Variants in GABRA1 observed in about 807,000 individuals in gnomAD.
The protein encoded by GABRA1 is gamma-aminobutyric acid receptor subunit alpha-1.
A neutral mutation model predicts 48.9 loss-of-function variants in GABRA1; 9 were observed. The ratio of observed to expected loss-of-function variants is 0.18; its 90% CI spans 0.11 to 0.32. The LOEUF (loss-of-function observed/expected upper bound fraction) is 0.32. GABRA1 is among the 10% of genes least tolerant of loss of function. GABRA1 has a pLI of 1.00. For missense variants in GABRA1, 285 were observed against 553.8 expected, an observed-to-expected ratio of 0.51 and a Z score of 4.87; for synonymous variants, 210 against 198.7, an observed-to-expected ratio of 1.06 and a Z score of -0.48.
At chr5:161,861,996 T>C (rs144244241) in intron 3 of GABRA1, among the ~76,000 whole-genome samples, 1 of 152,026 alleles carries the variant, frequency 6.6e-6, no homozygotes, top group Non-Finnish European at 1.5e-5. Flanking sequence ...GCAGACAGCA[T>C]TTCCGGGGAA....
At chr5:161,856,349 G>A (rs1454758986) in intron 3 of GABRA1, among the ~76,000 whole-genome samples, 3 of 151,340 alleles carry the variant, frequency 2.0e-5, no homozygotes, top group Non-Finnish European at 4.4e-5. Context: ...AAATAGATAT[G>A]TATTTAAAGA....
intron 7 of GABRA1, among the ~76,000 whole-genome samples, chr5:161,883,192 A>G (rs1038662617): frequency 6.6e-6 from 1 of 152,180 alleles, no homozygotes; most frequent in East Asian, 1.9e-4. Context: ...AGCAGTGATT[A>G]TTACACGCAG....
chr5:161,885,918 C>A (rs111833560), intron 7 of GABRA1, among the ~76,000 whole-genome samples: 92 of 152,154 alleles, frequency 6.0e-4, no homozygotes, highest in African/African-American at 2.0e-3. Context: ...GGTGACTGGG[C>A]TTGAAGAAGA....
At chr5:161,891,116 C>CATA in intron 8 of GABRA1, 66 bp downstream of exon 8, 1 of 1,443,816 alleles carries the variant, frequency 6.9e-7, no homozygotes, top group Non-Finnish European at 9.7e-7. Context: ...ATATCTGTGA[C>CATA]ACTGCAAAGA....
chr5:161,886,527 T>G (rs964140882), intron 7 of GABRA1, among the ~76,000 whole-genome samples: 1 of 151,898 alleles, frequency 6.6e-6, no homozygotes, highest in African/African-American at 2.4e-5. Flanking sequence ...TCTCAGCACT[T>G]TGGGAGGCTG....
At chr5:161,893,562 A>G (rs1755221365) in intron 8 of GABRA1, among the ~76,000 whole-genome samples, 1 of 152,202 alleles carries the variant, frequency 6.6e-6, no homozygotes, top group African/African-American at 2.4e-5. Flanking sequence ...ATTTATTAAA[A>G]GACATCCAGA....
intron 2 of GABRA1, among the ~76,000 whole-genome samples, chr5:161,853,134 A>G (rs1757515841): frequency 6.6e-6 from 1 of 151,882 alleles, no homozygotes; most frequent in Non-Finnish European, 1.5e-5. Flanking sequence ...TAAGATAGAA[A>G]ACAATTCTCT....
In GABRA1 at chr5:161,897,254, G is replaced by T. The variant is rs1384485524; in HGVS notation, c.1203G>T (p.Lys401Asn). 6.2e-7 allele frequency: 1 copy of T among 1,614,158 alleles called. No individual in the cohort carries two copies. Among genetic ancestry groups the T allele is most frequent in the South Asian group, 1.1e-5 (1 of 91,082 alleles). Residue 401 changes from lysine (K) to asparagine (N), a missense_variant, in exon 10 of 10, where the codon AAG becomes AAT. By Grantham distance (94) the Lys-to-Asn change is moderately conservative. Around this residue, in one of 6 missense-constraint regions of GABRA1, gnomAD observed 99 missense variants for 94.2 expected, o/e 1.05. Transcript: ENST00000393943. ...CAACCATAGAACCTAAAGAGGTCAA[G>T]CCCGAAACAAAACCACCAGAACCCA... Reference protein sequence around the residue: ...KSATIEPKEVKPETKPPEPKK... With the variant: ...KSATIEPKEVNPETKPPEPKK...
intron 8 of GABRA1, among the ~76,000 whole-genome samples, chr5:161,893,029 A>G (rs1055053889): frequency 1.4e-5 from 2 of 138,740 alleles, no homozygotes; most frequent in African/African-American, 5.2e-5. Flanking sequence ...AATAATAATA[A>G]TAATAATAAT....
At chr5:161,862,016 A>G (rs947409350) in intron 3 of GABRA1, among the ~76,000 whole-genome samples, 4 of 151,950 alleles carry the variant, frequency 2.6e-5, no homozygotes, top group Non-Finnish European at 4.4e-5. Flanking sequence ...AAATATGGCC[A>G]ATACCATATT....
intron 8 of GABRA1, among the ~76,000 whole-genome samples, chr5:161,894,695 A>G (rs1219698180): frequency 6.8e-6 from 1 of 146,624 alleles, no homozygotes; most frequent in Non-Finnish European, 1.5e-5. Flanking sequence ...AGGGAACCTG[A>G]CAGCATTATA....
Position 161,873,270 on chromosome 5 carries a change from C to T in GABRA1, c.409C>T (p.His137Tyr). Residue 137 changes from histidine (H) to tyrosine (Y), a missense_variant, in exon 5 of 10, where the codon CAC (histidine) becomes TAC (tyrosine). By Grantham distance (83) the His-to-Tyr change is moderately conservative. Around this residue, in one of 6 missense-constraint regions of GABRA1, gnomAD observed 105 missense variants for 267.4 expected, o/e 0.39. Coordinates refer to ENST00000393943, the MANE Select transcript of GABRA1 (RefSeq NM_001127644.2). ...FFHNGKKSVAHNMTMPNKLLR... is the reference protein window; with the variant it reads ...FFHNGKKSVAYNMTMPNKLLR... ...CCACAATGGAAAGAAGTCAGTGGCCCACAACATGACCATGCCCAACAAACT... is the reference window on the plus strand; with the variant it reads ...CCACAATGGAAAGAAGTCAGTGGCCTACAACATGACCATGCCCAACAAACT... The T allele has an allele frequency of 6.2e-7, 1 of 1,613,804 alleles. No homozygotes were observed. Among genetic ancestry groups the T allele is most frequent in the Non-Finnish European group, 8.5e-7 (1 of 1,179,848 alleles).
rs41303364 is a variant in GABRA1 at position 161,854,324 on chromosome 5, T to C, written c.187+54T>C. The C allele has an allele frequency of 1.5e-3, 1,353 of 907,880 alleles. 1 individual carries two copies. The highest frequency in any genetic ancestry group is 2.1e-3 in the Non-Finnish European group (1,136 of 536,444). 56.2% of individuals were successfully genotyped at this position (907,880 alleles called of 1,614,324 possible). A position where few individuals can be genotyped will look rare whatever the true frequency, so the allele number is the denominator to read the frequency against. The stretch of plus-strand genomic sequence containing the variant: ...AGAGAATAATATGAGATCTTTACTA[T>C]CACAGCCTTAATTTACCTCTAAATG... On this transcript the variant is annotated intron_variant, in intron 3 of 9. Coordinates refer to ENST00000393943, the MANE Select transcript of GABRA1 (RefSeq NM_001127644.2).
rs145452591 is a variant in GABRA1, at chr5:161,863,136, G to A, written c.188-2585G>A. 1.7e-3 allele frequency among the ~76,000 whole-genome samples: 253 copies of A among 151,850 alleles called. 6 individuals are homozygous for A. In the East Asian group the frequency reaches 0.039, roughly 23 times the overall value. Reference sequence around the variant, plus strand: ...GATACCTGTTGTCTGGGAGTTAGGGGATGTAATATATAGTATTTGTGTATA... The same window carrying A: ...GATACCTGTTGTCTGGGAGTTAGGGAATGTAATATATAGTATTTGTGTATA... On this transcript the variant is annotated intron_variant, in intron 3 of 9. Coordinates refer to ENST00000393943, the MANE Select transcript of GABRA1 (RefSeq NM_001127644.2).
chr5:161,885,997 A>C (rs1192323849), intron 7 of GABRA1, among the ~76,000 whole-genome samples: 4 of 152,182 alleles, frequency 2.6e-5, no homozygotes, highest in Non-Finnish European at 5.9e-5. Context: ...GCTAACATGC[A>C]TTGGCACTGT....
intron 3 of GABRA1, among the ~76,000 whole-genome samples, chr5:161,859,614 G>C (rs915664420): frequency 6.6e-6 from 1 of 151,702 alleles, no homozygotes; most frequent in Non-Finnish European, 1.5e-5. Flanking sequence ...GAGCTGTCCC[G>C]GGATGATAAA....
Position 161,897,181 on chromosome 5 carries a change from C to G in GABRA1, c.1130C>G (p.Pro377Arg). The part of the protein sequence containing the change: ...TYAPTATSYT[P>R]NLARGDPGLA... Reference sequence around the variant, plus strand: ...GCTCCAACAGCAACCAGCTACACCCCTAATTTGGCCAGGGGCGACCCGGGC... The same window carrying G: ...GCTCCAACAGCAACCAGCTACACCCGTAATTTGGCCAGGGGCGACCCGGGC... The change falls in exon 10 of 10, where the codon CCT (proline) becomes CGT (arginine). Residue 377 changes from proline to arginine, a missense_variant. Around this residue, in one of 6 missense-constraint regions of GABRA1, gnomAD observed 99 missense variants for 94.2 expected, o/e 1.05. Coordinates refer to ENST00000393943, the MANE Select transcript of GABRA1 (RefSeq NM_001127644.2). The G allele has an allele frequency of 6.2e-7, 1 of 1,614,098 alleles. No homozygotes were observed. Among genetic ancestry groups the G allele is most frequent in the Non-Finnish European group, 8.5e-7 (1 of 1,180,010 alleles).
chr5:161,870,946 CTG>C (rs59726286), intron 4 of GABRA1, among the ~76,000 whole-genome samples: 28,303 of 140,000 alleles, frequency 0.2, 2,687 homozygotes, highest in East Asian at 0.23. Context: ...GAGTGTTGCT[CTG>C]TGTGTGTGTG....
chr5:161,893,724 G>A (rs778482391), intron 8 of GABRA1, among the ~76,000 whole-genome samples: 2 of 152,104 alleles, frequency 1.3e-5, no homozygotes, highest in Non-Finnish European at 2.9e-5. Flanking sequence ...CAGCTGCATG[G>A]CATTGGCAAA....
Sources: gnomAD v4.1 joint callset for allele counts (sites outside exome capture counted in the v4.1 genomes callset) on GRCh38, gnomAD v4.1.1 for gene constraint, gnomAD v4.1.1 regional missense constraint, MANE v1.5 for transcripts, NCBI Gene and HGNC (gene_info 2026-07-23, HGNC 2026-07-21) for gene names.